Variants in DGKB observed in about 807,000 individuals in gnomAD.
DGKB encodes 90 kDa diacylglycerol kinase.
In DGKB, 67 loss-of-function variants were observed where a neutral mutation model predicts 114.3. The observed-to-expected ratio is 0.59, with a 90% confidence interval of 0.48 to 0.72. The LOEUF is 0.72. Among genes scored for constraint, DGKB ranks in the 30% least tolerant of loss-of-function variants. The pLI is 0.00. For missense variants in DGKB, 907 were observed against 975.2 expected, an observed-to-expected ratio of 0.93 and a Z score of 0.93; for synonymous variants, 398 against 323.1, an observed-to-expected ratio of 1.23 and a Z score of -2.49.
In DGKB at chr7:14,416,860, C is replaced by T. The variant is rs145282690; in HGVS notation, c.1835+61301G>A. Among the ~76,000 whole-genome samples, 1,276 of 152,130 alleles carry T rather than the reference C, an allele frequency of 8.4e-3. 17 individuals carry two copies. The highest frequency in any genetic ancestry group is 0.027 in the African/African-American group (1,123 of 41,514). On this transcript the variant is annotated intron_variant, in intron 21 of 25. Transcript: ENST00000402815. ...TACATGCACAGGTAATTTTACTCAACGCTCCCTTTGTCTGGCAATCCATTC... is the reference window on the plus strand; with the variant it reads ...TACATGCACAGGTAATTTTACTCAATGCTCCCTTTGTCTGGCAATCCATTC...
chr7:14,281,125 G>T (rs1339532567), intron 23 of DGKB, among the ~76,000 whole-genome samples: 1 of 148,248 alleles, frequency 6.7e-6, no homozygotes, highest in Non-Finnish European at 1.5e-5. Flanking sequence ...CATCTCATGT[G>T]CAGAGACACA....
intron 1 of DGKB, among the ~76,000 whole-genome samples, chr7:14,850,347 T>C (rs890434956): frequency 1.3e-5 from 2 of 152,302 alleles, no homozygotes; most frequent in South Asian, 2.1e-4. Context: ...AGACTTTTTT[T>C]TTCTTGTAGA....
At chr7:14,900,355 G>A (rs1003485200) in intron 1 of DGKB, among the ~76,000 whole-genome samples, 1 of 152,068 alleles carries the variant, frequency 6.6e-6, no homozygotes, top group African/African-American at 2.4e-5. Flanking sequence ...AGTGCTCCTC[G>A]GCTAGAGGTA....
intron 23 of DGKB, among the ~76,000 whole-genome samples, chr7:14,268,490 G>T (rs755985313): frequency 6.6e-6 from 1 of 152,190 alleles, no homozygotes; most frequent in Non-Finnish European, 1.5e-5. Flanking sequence ...TCAGCAGGAA[G>T]AGGTACCCAA....
At position 14,689,855 on chromosome 7, in the gene DGKB, CA is replaced by C. The variant is rs1276015897; in HGVS notation, c.711+4219del. On this transcript the variant is annotated intron_variant, in intron 9 of 25. Transcript: ENST00000402815. ...TCTATTCTCCATCACTCAGGAATTT[CA>C]TCAGAGAACACACTGCATATTACTT... Among the ~76,000 whole-genome samples the C allele has an allele frequency of 2.6e-5, 4 of 152,278 alleles. No homozygotes were observed. The East Asian group carries it at 7.7e-4, about 29-fold the overall frequency.
At chr7:14,814,366 A>G (rs1843820020) in intron 2 of DGKB, among the ~76,000 whole-genome samples, 1 of 152,300 alleles carries the variant, frequency 6.6e-6, no homozygotes, top group Non-Finnish European at 1.5e-5. Flanking sequence ...GGGATTTTTA[A>G]AATGATAACA....
intron 21 of DGKB, among the ~76,000 whole-genome samples, chr7:14,449,376 T>C (rs1290806573): frequency 1.3e-5 from 2 of 152,048 alleles, no homozygotes; most frequent in Admixed American, 6.6e-5. Flanking sequence ...TCTTTGAGAA[T>C]TGTCTGTAAG....
intron 21 of DGKB, among the ~76,000 whole-genome samples, chr7:14,398,441 C>T (rs948089536): frequency 2.0e-5 from 3 of 151,888 alleles, no homozygotes; most frequent in African/African-American, 7.2e-5. Flanking sequence ...ATGCTTTGAG[C>T]ACAAATTCAC....
At chr7:14,799,737 C>A (rs1044438436) in intron 2 of DGKB, among the ~76,000 whole-genome samples, 3 of 152,090 alleles carry the variant, frequency 2.0e-5, no homozygotes, top group African/African-American at 7.2e-5. Context: ...TTAAATGGGG[C>A]CCAGAATAAC....
intron 21 of DGKB, among the ~76,000 whole-genome samples, chr7:14,452,953 C>T (rs946085834): frequency 2.0e-5 from 3 of 152,048 alleles, no homozygotes; most frequent in Non-Finnish European, 2.9e-5. Context: ...TATAAAGGCT[C>T]CATTAAATCT....
chr7:14,208,402 T>G (rs150504585), intron 23 of DGKB, among the ~76,000 whole-genome samples: 96 of 152,136 alleles, frequency 6.3e-4, no homozygotes, highest in African/African-American at 2.3e-3. Flanking sequence ...GATAAAGAAG[T>G]ATATTCTACT....
At chr7:14,922,865 C>T (rs1259974704) in intron 1 of DGKB, among the ~76,000 whole-genome samples, 1 of 152,146 alleles carries the variant, frequency 6.6e-6, no homozygotes, top group Non-Finnish European at 1.5e-5. Context: ...CTGATGAGAA[C>T]ATTGAAACAT....
At chr7:14,862,149 C>T (rs1050958269) in intron 1 of DGKB, among the ~76,000 whole-genome samples, 22 of 151,742 alleles carry the variant, frequency 1.4e-4, no homozygotes, top group African/African-American at 3.4e-4. Context: ...CCAGCTTCAC[C>T]GAGGTAAAAT....
chr7:14,809,680 C>T (rs1024491022), intron 2 of DGKB, among the ~76,000 whole-genome samples: 3 of 152,016 alleles, frequency 2.0e-5, no homozygotes, highest in Admixed American at 6.6e-5. Flanking sequence ...TGAATCTCTG[C>T]CTGACAAACA....
chr7:14,679,977 A>G (rs111934800), intron 12 of DGKB, among the ~76,000 whole-genome samples: 3,535 of 152,104 alleles, frequency 0.023, 133 homozygotes, highest in African/African-American at 0.08. Context: ...AAACTGATAG[A>G]GTCTCCTGGA....
At chr7:14,320,018 C>T (rs1326480197) in intron 23 of DGKB, among the ~76,000 whole-genome samples, 4 of 152,180 alleles carry the variant, frequency 2.6e-5, no homozygotes, top group African/African-American at 9.7e-5. Flanking sequence ...CTTTCCACTA[C>T]CCCAAAAGCA....
chr7:14,492,142 T>A (rs1364929047), intron 20 of DGKB, among the ~76,000 whole-genome samples: 2 of 152,076 alleles, frequency 1.3e-5, no homozygotes, highest in Non-Finnish European at 2.9e-5. Flanking sequence ...TAGAAAAAAA[T>A]TCTAGACATA....
intron 21 of DGKB, among the ~76,000 whole-genome samples, chr7:14,464,029 CT>C (rs78829041): frequency 0.015 from 2,083 of 142,594 alleles, 41 homozygotes; most frequent in African/African-American, 0.045. Flanking sequence ...GGTAACCAAG[CT>C]TTTTTTTTTT....
At chr7:14,282,066 T>A (rs1800046580) in intron 23 of DGKB, among the ~76,000 whole-genome samples, 17 of 69,428 alleles carry the variant, frequency 2.4e-4, no homozygotes, top group South Asian at 5.8e-4. Flanking sequence ...AATTAATGAA[T>A]CCAGGAGCTG....
Sources: allele counts gnomAD v4.1 joint callset (sites outside exome capture counted in the v4.1 genomes callset), GRCh38; gene constraint gnomAD v4.1.1; transcripts MANE v1.5; gene names NCBI Gene and HGNC (gene_info 2026-07-23, HGNC 2026-07-21).